SHB: variants seen among roughly 807,000 people sequenced by gnomAD.
SHB encodes SH2 domain containing adaptor protein B.
A neutral mutation model predicts 52.3 loss-of-function variants in SHB; 20 were observed. The ratio of observed to expected loss-of-function variants is 0.38; its 90% CI spans 0.27 to 0.56. The LOEUF is 0.56. Ranked by LOEUF, SHB falls within the 20% of genes least tolerant of loss-of-function variation. The pLI is 0.71. For missense variants in SHB, 825 were observed against 723.3 expected (o/e 1.14, Z -1.61); for synonymous variants, 397 against 316.5 (o/e 1.25, Z -2.70).
chr9:38,016,271 G>T, intron 1 of SHB, 140 bp from the exon 2 acceptor site: 1 of 782,626 alleles, frequency 1.3e-6, no homozygotes, highest in Non-Finnish European at 2.0e-6. Context: ...CCCGGACTCA[G>T]GGAGCTCCAC....
rs527420668 is a variant in SHB at position 37,932,290 on chromosome 9, A to G, written c.1347-12286T>C. The stretch of plus-strand genomic sequence containing the variant: ...CTCCATCTCAAAAAAAAAAAAAAAA[A>G]AAAAGAAAAGAAAAATATTGTATGA... On this transcript the variant is annotated intron_variant, in intron 5 of 5. Coordinates refer to ENST00000377707, the MANE Select transcript of SHB (RefSeq NM_003028.3). 2.1e-3 allele frequency among the ~76,000 whole-genome samples: 320 copies of G among 151,116 alleles called. 3 individuals are homozygous for G. Among genetic ancestry groups the G allele is most frequent in the Non-Finnish European group, 3.5e-3 (238 of 67,768 alleles).
intron 1 of SHB, among the ~76,000 whole-genome samples, chr9:38,067,200 A>G (rs1821980712): frequency 6.6e-6 from 1 of 152,042 alleles, no homozygotes; most frequent in African/African-American, 2.4e-5. Flanking sequence ...TCAGGAAGGA[A>G]GCAGGTGAGG....
intron 5 of SHB, among the ~76,000 whole-genome samples, chr9:37,942,901 AGGGGGG>A (rs1051007936): frequency 6.6e-6 from 1 of 151,558 alleles, no homozygotes; most frequent in Admixed American, 6.6e-5. Flanking sequence ...ATGGAGGGGA[AGGGGGG>A]GATCACTGGG....
intron 1 of SHB, among the ~76,000 whole-genome samples, chr9:38,028,288 G>A (rs1027186451): frequency 6.6e-6 from 1 of 152,222 alleles, no homozygotes; most frequent in African/African-American, 2.4e-5. Context: ...AGGGCCCAGA[G>A]CTGTTGTGCC....
intron 1 of SHB, among the ~76,000 whole-genome samples, chr9:38,043,349 A>C (rs957495367): frequency 1.3e-5 from 2 of 152,186 alleles, no homozygotes; most frequent in Non-Finnish European, 1.5e-5. Context: ...ACAAAACAAC[A>C]GCCTCCTTTG....
At chr9:37,985,460 T>TGCATCTTC (rs1184238871) in intron 2 of SHB, among the ~76,000 whole-genome samples, 1 of 152,278 alleles carries the variant, frequency 6.6e-6, no homozygotes, top group Non-Finnish European at 1.5e-5. Context: ...ACCATCACTC[T>TGCATCTTC]GCATCTTCCA....
intron 5 of SHB, among the ~76,000 whole-genome samples, chr9:37,922,935 C>T (rs909873907): frequency 6.6e-6 from 1 of 152,202 alleles, no homozygotes; most frequent in Non-Finnish European, 1.5e-5. Context: ...GGGCTTCCTG[C>T]AGGAAGGGGT....
chr9:37,931,235 AAAAT>A (rs1832307934), intron 5 of SHB, among the ~76,000 whole-genome samples: 1 of 152,218 alleles, frequency 6.6e-6, no homozygotes, highest in South Asian at 2.1e-4. Flanking sequence ...TCAAAAGCTC[AAAAT>A]AAATAAATGG....
chr9:38,068,558 G>T lies in SHB; in HGVS notation c.88C>A (p.Gln30Lys). Residue 30 changes from glutamine (Q) to lysine (K), a missense_variant, in exon 1 of 6, where the codon CAG (glutamine) becomes AAG (lysine). Gln to Lys is a moderately conservative substitution (Grantham distance 53). Transcript: ENST00000377707. ...GAAGGCCGCTCGCCTCGGCGCCGCT[G>T]CTCGCGGTAGTCTGGCCGCGGCGGC... ...PQPPRPDYRE[Q>K]RRRGERPSQP... 1 of 1,468,690 alleles carries T rather than the reference G, an allele frequency of 6.8e-7. No homozygotes were observed. Among genetic ancestry groups the T allele is most frequent in the Non-Finnish European group, 8.9e-7 (1 of 1,122,190 alleles). The allele number at this position is 1,468,690 out of a possible 1,614,324, so 91.0% of individuals were successfully genotyped here.
rs1185800319 is a variant in SHB at position 38,068,187 on chromosome 9, G to C, written c.459C>G (p.Ser153=). The change falls in exon 1 of 6, where the codon TCC becomes TCG. Residue 153 remains serine, a synonymous_variant. Coordinates refer to ENST00000377707, the MANE Select transcript of SHB (RefSeq NM_003028.3). ...SSGAGAAASS[S]SSSGSPHLYR... is the part of the protein sequence containing the mutation. ...AGAGATGCGGAGAGCCGGAGGACGA[G>C]GACGAGGACGCGGCGGCCCCCGCGC... is the stretch of plus-strand genomic sequence containing the variant. 7.1e-7 allele frequency: 1 copy of C among 1,415,144 alleles called. No individual in the cohort carries two copies. The highest frequency in any genetic ancestry group is 9.1e-7 in the Non-Finnish European group (1 of 1,097,916). 87.7% of individuals were successfully genotyped at this position (1,415,144 alleles called of 1,614,324 possible). A position where few individuals can be genotyped will look rare whatever the true frequency, so the allele number is the denominator to read the frequency against.
intron 1 of SHB, among the ~76,000 whole-genome samples, chr9:38,043,622 G>A (rs1300993765): frequency 6.6e-6 from 1 of 152,208 alleles, no homozygotes; most frequent in Non-Finnish European, 1.5e-5. Flanking sequence ...GGGTGCAGTG[G>A]CTCACACCTG....
chr9:37,994,815 A>G (rs759326882), intron 2 of SHB, among the ~76,000 whole-genome samples: 1 of 151,954 alleles, frequency 6.6e-6, no homozygotes, highest in Non-Finnish European at 1.5e-5. Flanking sequence ...TTTTTCTTTC[A>G]TAATATCAGT....
rs187096806 is a variant in SHB at position 37,956,502 on chromosome 9, T to C, written c.1055-448A>G. Among the ~76,000 whole-genome samples the C allele has an allele frequency of 2.6e-5, 4 of 152,312 alleles. No individual in the cohort carries two copies. The East Asian group carries it at 7.7e-4, about 29-fold the overall frequency. On this transcript the variant is annotated intron_variant, in intron 3 of 5. Transcript: ENST00000377707. ...GCCATACTGGCCACATCTGCCCCTT[T>C]CCCTGGGATACTCCTATAGAGTGCC...
At chr9:38,041,457 A>G (rs1343032443) in intron 1 of SHB, among the ~76,000 whole-genome samples, 2 of 152,196 alleles carry the variant, frequency 1.3e-5, no homozygotes, top group East Asian at 3.9e-4. Flanking sequence ...AGTTTTGCCA[A>G]CTAGCAGGAT....
At chr9:38,003,905 G>T (rs1336393860) in intron 2 of SHB, among the ~76,000 whole-genome samples, 1 of 152,218 alleles carries the variant, frequency 6.6e-6, no homozygotes, top group Non-Finnish European at 1.5e-5. Context: ...AATTGTGTGG[G>T]GTGGTGAGGC....
chr9:37,965,223 A>C (rs1285095550), intron 3 of SHB, among the ~76,000 whole-genome samples: 1 of 152,214 alleles, frequency 6.6e-6, no homozygotes, highest in Non-Finnish European at 1.5e-5. Context: ...CGGGGGGACA[A>C]GCCAGGTACT....
chr9:37,951,707 T>A (rs1221064126), intron 4 of SHB, among the ~76,000 whole-genome samples: 1 of 152,204 alleles, frequency 6.6e-6, no homozygotes, highest in Non-Finnish European at 1.5e-5. Flanking sequence ...TTAAGGGGAA[T>A]CCCAGGTGGT....
intron 2 of SHB, among the ~76,000 whole-genome samples, chr9:37,978,644 T>C (rs1298662830): frequency 1.3e-5 from 2 of 152,184 alleles, no homozygotes; most frequent in Non-Finnish European, 2.9e-5. Flanking sequence ...GGAATTCTGC[T>C]CCTTGCCTGG....
At chr9:38,043,110 G>T (rs1318901154) in intron 1 of SHB, among the ~76,000 whole-genome samples, 3 of 152,130 alleles carry the variant, frequency 2.0e-5, no homozygotes, top group African/African-American at 7.2e-5. Flanking sequence ...TTCAAGCCCA[G>T]ACCAAAACCA....
Sources: gnomAD v4.1 joint callset for allele counts (sites outside exome capture counted in the v4.1 genomes callset) on GRCh38, gnomAD v4.1.1 for gene constraint, MANE v1.5 for transcripts, NCBI Gene and HGNC (gene_info 2026-07-23, HGNC 2026-07-21) for gene names.